FHOD1: variants seen among roughly 807,000 people sequenced by gnomAD.
FHOD1 encodes the protein FH1/FH2 domain-containing protein 1.
Under a neutral mutation model 111.6 loss-of-function variants are expected in FHOD1, and 89 were observed. The observed-to-expected ratio is 0.80, with a 90% CI of 0.67 to 0.95. The LOEUF (loss-of-function observed/expected upper bound fraction) is 0.95, where lower values mean the gene tolerates loss of function less well. FHOD1 is among the 40% of genes least tolerant of loss of function. The pLI is 0.00. For synonymous variants in FHOD1, 618 were observed against 639.0 expected (o/e 0.97, Z 0.50); for missense variants, 1,446 against 1,554.2 (o/e 0.93, Z 1.17).
At chr16:67,240,340 A>G (rs778371027) in intron 1 of FHOD1, among the ~76,000 whole-genome samples, 2 of 152,220 alleles carry the variant, frequency 1.3e-5, no homozygotes, top group Non-Finnish European at 2.9e-5. Context: ...CAGCCTGGCC[A>G]ACGTGGTGAA....
At position 67,236,985 on chromosome 16, in the gene FHOD1, C is replaced by CG; in HGVS notation, c.1122dup (p.Ala375ArgfsTer57). 6.3e-7 allele frequency: 1 copy of CG among 1,598,570 alleles called. No individual in the cohort carries two copies. Among genetic ancestry groups the CG allele is most frequent in the East Asian group, 2.2e-5 (1 of 44,736 alleles). ...ACTTACCCAGGTTCCGGGGCACGCG[C>CG]GGGGCAGCCCCCGCCTTCCAGAGAA... is the stretch of plus-strand genomic sequence containing the variant. On this transcript the variant is annotated frameshift_variant, in exon 10 of 22. Coordinates refer to ENST00000258201, the MANE Select transcript of FHOD1 (RefSeq NM_013241.3). LOFTEE classifies it high-confidence loss of function.
intron 11 of FHOD1, 145 bp downstream of exon 11, chr16:67,236,412 A>G (rs1486718331): frequency 1.4e-6 from 2 of 1,472,266 alleles, no homozygotes; most frequent in Admixed American, 2.3e-5. Flanking sequence ...GTCACTTACC[A>G]AACGGAAGCA....
At position 67,229,704 on chromosome 16, in the gene FHOD1, TC is replaced by T. The variant is rs771017040; in HGVS notation, c.3426del (p.Lys1143ArgfsTer14). 3.7e-5 allele frequency: 60 copies of T among 1,610,024 alleles called. No homozygotes were observed. Among genetic ancestry groups the T allele is most frequent in the Non-Finnish European group, 2.5e-6 (3 of 1,178,068 alleles). The part of the protein sequence containing the change: ...RGNRKSLRRT[L>X]KSGLGDDLVQ... ...ACCAGGTCATCTCCGAGCCCACTCT[TC>T]AACGTCCTTCTCACTGCAGGGACAG... On this transcript the variant is annotated frameshift_variant, in exon 22 of 22. Transcript: ENST00000258201. LOFTEE classifies it high-confidence loss of function.
chr16:67,245,367 G>A (rs2034780867), intron 1 of FHOD1, among the ~76,000 whole-genome samples: 1 of 152,200 alleles, frequency 6.6e-6, no homozygotes, highest in Non-Finnish European at 1.5e-5. Flanking sequence ...GTGGGGACAC[G>A]GGTCCCATGA....
chr16:67,233,438 T>G (rs1259144586), intron 13 of FHOD1, among the ~76,000 whole-genome samples: 3 of 150,296 alleles, frequency 2.0e-5, no homozygotes, highest in Non-Finnish European at 3.0e-5. Context: ...GGTCTCAAAC[T>G]CTTGGATTAC....
intron 19 of FHOD1, 30 bp from the exon 20 acceptor site, chr16:67,230,258 GA>G: frequency 6.2e-7 from 1 of 1,613,584 alleles, no homozygotes; most frequent in South Asian, 1.1e-5. Flanking sequence ...GAGCTGGGAG[GA>G]GCGAAGGAAA....
chr16:67,239,372 A>G lies in FHOD1; in HGVS notation c.284T>C (p.Leu95Pro), dbSNP rs1187049425. The G allele has an allele frequency of 6.2e-7, 1 of 1,614,100 alleles. No homozygotes were observed. The highest frequency in any genetic ancestry group is 8.5e-7 in the Non-Finnish European group (1 of 1,179,972). ...CCTGATCTCTTCATAGAAGCCCTCC[A>G]GCATCTCCCGCTGCTCTTCCAGGGA... ...ELSLEEQREM[L>P]EGFYEEISKG... Residue 95 changes from leucine (L) to proline (P), a missense_variant, in exon 2 of 22, where the codon CTG becomes CCG. Physicochemically the swap from Leu to Pro is moderately conservative, Grantham distance 98. Around this residue, in one of 3 missense-constraint regions of FHOD1, gnomAD observed 234 missense variants for 327.4 expected, o/e 0.71. Coordinates refer to ENST00000258201, the MANE Select transcript of FHOD1 (RefSeq NM_013241.3).
In FHOD1 at chr16:67,230,972, G is replaced by C. The variant is rs747162085; in HGVS notation, c.2668-181C>G. 1.2e-4 allele frequency: 97 copies of C among 832,652 alleles called. 1 individual carries two copies. Among genetic ancestry groups the C allele is most frequent in the Middle Eastern group, 3.6e-4 (1 of 2,774 alleles). 51.6% of individuals were successfully genotyped at this position (832,652 alleles called of 1,614,324 possible). The stretch of plus-strand genomic sequence containing the variant: ...GTGAATGGGGAGCAGAAGGTTTACT[G>C]GGGGAAGTGGCAGTTAAACAGACCC... On this transcript the variant is annotated intron_variant, in intron 17 of 21. Coordinates refer to ENST00000258201, the MANE Select transcript of FHOD1 (RefSeq NM_013241.3).
chr16:67,241,101 G>A (rs991885933), intron 1 of FHOD1, among the ~76,000 whole-genome samples: 2 of 141,314 alleles, frequency 1.4e-5, no homozygotes, highest in Non-Finnish European at 1.5e-5. Context: ...TTAGCCTGTG[G>A]GGCCCTTGGA....
chr16:67,238,034 C>CAGG lies in FHOD1; in HGVS notation c.639_641dup (p.Leu214dup). The CAGG allele has an allele frequency of 6.2e-7, 1 of 1,613,770 alleles. No individual in the cohort carries two copies. The highest frequency in any genetic ancestry group is 8.5e-7 in the Non-Finnish European group (1 of 1,179,764). On this transcript the variant is annotated inframe_insertion and splice_region_variant, in exon 6 of 22. Coordinates refer to ENST00000258201, the MANE Select transcript of FHOD1 (RefSeq NM_013241.3). The surrounding 1 kb of genome is among the most constrained non-coding windows in gnomAD (Gnocchi z 4.2). ...TAAGGCTGAGTGGAGAGCCACTTAC[C>CAGG]AGGCTGGCACACAATGTGTACAGCC... is the stretch of plus-strand genomic sequence containing the variant.
chr16:67,247,319 C>T lies in FHOD1; in HGVS notation c.92G>A (p.Cys31Tyr), dbSNP rs1395561984. 2.5e-6 allele frequency: 4 copies of T among 1,613,518 alleles called. No individual in the cohort carries two copies. Among genetic ancestry groups the T allele is most frequent in the East Asian group, 4.5e-5 (2 of 44,874 alleles). ...CCGGCGCGGCTCCGGAAAGTTGGCACATGCGAAGGGGTCGGTGTCTTCCAG... is the reference window on the plus strand; with the variant it reads ...CCGGCGCGGCTCCGGAAAGTTGGCATATGCGAAGGGGTCGGTGTCTTCCAG... ...QYLEDTDPFA[C>Y]ANFPEPRRAP... The change falls in exon 1 of 22, where the codon TGT becomes TAT. Residue 31 changes from cysteine to tyrosine, a missense_variant. Transcript: ENST00000258201.
chr16:67,231,132 G>C lies in FHOD1; in HGVS notation c.2667+56C>G, dbSNP rs1597315715. 22 of 1,594,310 alleles carry C rather than the reference G, an allele frequency of 1.4e-5. No individual in the cohort carries two copies. The East Asian group carries it at 4.9e-4, about 36-fold the overall frequency. On this transcript the variant is annotated intron_variant, in intron 17 of 21. Coordinates refer to ENST00000258201, the MANE Select transcript of FHOD1 (RefSeq NM_013241.3). This position sits in a 1 kb window ranked among gnomAD's most constrained non-coding sequence, Gnocchi z 4.3. ...GGAGAAGGGGGAGGAGCCAGGCCCAGGAAGCAGCGCTCCTCATGCCTTGTC... is the reference window on the plus strand; with the variant it reads ...GGAGAAGGGGGAGGAGCCAGGCCCACGAAGCAGCGCTCCTCATGCCTTGTC...
rs200121433 is a variant in FHOD1 at position 67,233,891 on chromosome 16, T to C, written c.1812A>G (p.Leu604=). 2.7e-6 allele frequency: 4 copies of C among 1,495,854 alleles called. No homozygotes were observed. Among genetic ancestry groups the C allele is most frequent in the African/African-American group, 3.3e-5 (2 of 60,128 alleles). 92.7% of individuals were successfully genotyped at this position (1,495,854 alleles called of 1,614,324 possible). Residue 604 remains leucine (L), a synonymous_variant, in exon 13 of 22, where the codon CTA becomes CTG. Transcript: ENST00000258201. ...IKGPFPPPPP[L]PLAAPLPHSV... is the part of the protein sequence containing the mutation. Reference sequence around the variant, plus strand: ...AATGGGGAAGAGGGGCAGCCAGAGGTAGAGGTGGAGGTGGTGGGAAGGGGC... The same window carrying C: ...AATGGGGAAGAGGGGCAGCCAGAGGCAGAGGTGGAGGTGGTGGGAAGGGGC...
chr16:67,234,103 T>G lies in FHOD1; in HGVS notation c.1600A>C (p.Thr534Pro), dbSNP rs1247250727. ...CCAATAGAGAGCCTGGGTGCACGGG[T>G]AGGGAGCTCCCAGATGGGCTCAGCC... ...PKAEPIWELP[T>P]RAPRLSIGDL... The change falls in exon 13 of 22, where the codon ACC becomes CCC. Residue 534 changes from threonine (T) to proline (P), a missense_variant. Physicochemically the swap from Thr to Pro is conservative, Grantham distance 38. Coordinates refer to ENST00000258201, the MANE Select transcript of FHOD1 (RefSeq NM_013241.3). The G allele has an allele frequency of 6.3e-7, 1 of 1,596,312 alleles. No individual in the cohort carries two copies. The highest frequency in any genetic ancestry group is 8.6e-7 in the Non-Finnish European group (1 of 1,168,564).
chr16:67,229,488 A>G lies in FHOD1; in HGVS notation c.*148T>C, dbSNP rs929011044. 2 of 699,148 alleles carry G rather than the reference A, an allele frequency of 2.9e-6. No homozygotes were observed. Among genetic ancestry groups the G allele is most frequent in the African/African-American group, 3.5e-5 (2 of 56,702 alleles). The allele number at this position is 699,148 out of a possible 1,614,324, so 43.3% of individuals were successfully genotyped here. A position where few individuals can be genotyped will look rare whatever the true frequency, so the allele number is the denominator to read the frequency against. Reference sequence around the variant, plus strand: ...CACACACACACATACACACACACTCACATGCATACACACACGGCTAATACT... The same window carrying G: ...CACACACACACATACACACACACTCGCATGCATACACACACGGCTAATACT... On this transcript the variant is annotated 3_prime_UTR_variant, in exon 22 of 22. Transcript: ENST00000258201.
Position 67,231,852 on chromosome 16 carries a change from C to G in FHOD1, c.2203-33G>C. The G allele has an allele frequency of 1.2e-6, 2 of 1,604,132 alleles. No individual in the cohort carries two copies. The highest frequency in any genetic ancestry group is 1.7e-6 in the Non-Finnish European group (2 of 1,174,460). On this transcript the variant is annotated intron_variant, in intron 14 of 21. Coordinates refer to ENST00000258201, the MANE Select transcript of FHOD1 (RefSeq NM_013241.3). This position sits in a 1 kb window ranked among gnomAD's most constrained non-coding sequence, Gnocchi z 4.3. ...TGTAGCCAGAGCCTGACATGGCCCCCTCAATGCAGGCCTGAGGCCTGAGGC... is the reference window on the plus strand; with the variant it reads ...TGTAGCCAGAGCCTGACATGGCCCCGTCAATGCAGGCCTGAGGCCTGAGGC...
Position 67,230,714 on chromosome 16 carries a change from G to A in FHOD1, c.2745C>T (p.Ser915=), listed in dbSNP as rs143345712. 2 of 1,613,372 alleles carry A rather than the reference G, an allele frequency of 1.2e-6. No homozygotes were observed. Among genetic ancestry groups the A allele is most frequent in the African/African-American group, 1.3e-5 (1 of 75,062 alleles). Residue 915 remains serine, a synonymous_variant, in exon 18 of 22, where the codon AGC becomes AGT. Coordinates refer to ENST00000258201, the MANE Select transcript of FHOD1 (RefSeq NM_013241.3). ...CTGGGGCCAGCTCATGCTTGGCCAA[G>A]CTCCGCAGGCTCTCCTCGGCTGCCC... The part of the protein sequence containing the change: ...RSRAAEESLR[S]LAKHELAPAL...
intron 1 of FHOD1, among the ~76,000 whole-genome samples, chr16:67,242,235 C>T (rs1321035322): frequency 6.6e-6 from 1 of 152,228 alleles, no homozygotes; most frequent in African/African-American, 2.4e-5. Flanking sequence ...TCTCAAAGTG[C>T]TGGGATTGTA....
Position 67,237,970 on chromosome 16 carries a change from G to C in FHOD1, c.642+64C>G. On this transcript the variant is annotated intron_variant, in intron 6 of 21. Transcript: ENST00000258201. The surrounding 1 kb of genome is among the most constrained non-coding windows in gnomAD (Gnocchi z 5.6). ...CCCTTCCAGCTCACTTTGCAGAACA[G>C]GAAACTGAGGCCCAGAGAGAAGCAA... 3 of 1,554,402 alleles carry C rather than the reference G, an allele frequency of 1.9e-6. No individual in the cohort carries two copies. The highest frequency in any genetic ancestry group is 2.7e-6 in the Non-Finnish European group (3 of 1,129,234).
Sources: allele counts gnomAD v4.1 joint callset (sites outside exome capture counted in the v4.1 genomes callset), GRCh38; gene constraint gnomAD v4.1.1; regional missense constraint gnomAD v4.1.1; non-coding constraint Gnocchi (gnomAD v3.1); transcripts MANE v1.5; gene names NCBI Gene and HGNC (gene_info 2026-07-23, HGNC 2026-07-21).